ADAMTSL1: variants seen among roughly 807,000 people sequenced by gnomAD.
ADAMTSL1 encodes the protein ADAMTS-like protein 1.
Under a neutral mutation model 201.8 loss-of-function variants are expected in ADAMTSL1, and 126 were observed. That is an observed-to-expected ratio of 0.62 (90% confidence interval 0.54 to 0.72). ADAMTSL1 has a LOEUF of 0.72. ADAMTSL1 is among the 30% of genes least tolerant of loss of function. ADAMTSL1 has a pLI of 0.00. For missense variants in ADAMTSL1, 2,679 were observed against 2,277.8 expected (o/e 1.18, Z -3.59); for synonymous variants, 1,121 against 903.4 (o/e 1.24, Z -4.32).
chr9:18,362,867 A>G (rs10511652), intron 2 of ADAMTSL1, among the ~76,000 whole-genome samples: 82,904 of 152,072 alleles, frequency 0.55, 22,906 homozygotes, highest in East Asian at 0.64. Flanking sequence ...CTTAATTGAA[A>G]GCAACAAACT....
At chr9:18,187,525 A>G (rs1255135049) in intron 2 of ADAMTSL1, among the ~76,000 whole-genome samples, 1 of 152,118 alleles carries the variant, frequency 6.6e-6, no homozygotes, top group East Asian at 1.9e-4. Context: ...CTGTTTTGGA[A>G]TAAAAAGAAA....
intron 2 of ADAMTSL1, among the ~76,000 whole-genome samples, chr9:18,465,156 A>G (rs144453091): frequency 1.6e-4 from 25 of 152,288 alleles, no homozygotes; most frequent in Non-Finnish European, 3.4e-4. Flanking sequence ...AGCCAGGGGC[A>G]TAATGTTTAT....
rs58093533 is a variant in ADAMTSL1, at chr9:18,301,318, C to G, written c.207+137337C>G. On this transcript the variant is annotated intron_variant, in intron 2 of 29. Transcript: ENST00000680146. Reference sequence around the variant, plus strand: ...GTGAAAAGAGCTAAAATACTTATCTCACATAATCAGAAAACAGTAGATAAA... The same window carrying G: ...GTGAAAAGAGCTAAAATACTTATCTGACATAATCAGAAAACAGTAGATAAA... Among the ~76,000 whole-genome samples the G allele has an allele frequency of 9.7e-3, 1,478 of 152,252 alleles. 24 individuals carry two copies. The highest frequency in any genetic ancestry group is 0.034 in the African/African-American group (1,422 of 41,544).
At chr9:18,830,085 C>T in intron 23 of ADAMTSL1, 108 bp downstream of exon 23, 1 of 1,413,624 alleles carries the variant, frequency 7.1e-7, no homozygotes, top group Non-Finnish European at 9.5e-7. Context: ...GGGTGGCCAA[C>T]AGGGAATCAC....
upstream of ADAMTSL1, among the ~76,000 whole-genome samples, chr9:18,469,393 A>G (rs1821122468): frequency 6.6e-6 from 1 of 152,196 alleles, no homozygotes; most frequent in African/African-American, 2.4e-5. Flanking sequence ...ATCAGTTGGG[A>G]TTCTGTTGCA....
At position 18,414,498 on chromosome 9, in the gene ADAMTSL1, A is replaced by C. The variant is rs565199168; in HGVS notation, c.208-90331A>C. ...CATGCGTGAAACAACCAAAAAAACA[A>C]ACAAAAATGTGTGAAACAATGGTTT... On this transcript the variant is annotated intron_variant, in intron 2 of 29. Coordinates refer to the ADAMTSL1 transcript ENST00000680146. Among the ~76,000 whole-genome samples the C allele has an allele frequency of 2.0e-5, 3 of 152,334 alleles. No homozygotes were observed. The South Asian group carries it at 6.2e-4, about 32-fold the overall frequency.
intron 23 of ADAMTSL1, among the ~76,000 whole-genome samples, chr9:18,858,607 T>C (rs557070161): frequency 6.6e-6 from 1 of 152,232 alleles, no homozygotes; most frequent in East Asian, 1.9e-4. Context: ...ACAAGAGGAG[T>C]AGGTGCTGGG....
intron 3 of ADAMTSL1, among the ~76,000 whole-genome samples, chr9:18,534,808 G>T (rs1220976201): frequency 6.6e-6 from 1 of 152,206 alleles, no homozygotes; most frequent in Non-Finnish European, 1.5e-5. Flanking sequence ...TAAAGCAATG[G>T]CCTGAGCTGT....
At chr9:18,535,255 G>C (rs1484136063) in intron 3 of ADAMTSL1, among the ~76,000 whole-genome samples, 1 of 152,142 alleles carries the variant, frequency 6.6e-6, no homozygotes, top group African/African-American at 2.4e-5. Flanking sequence ...CAGCCTCTTT[G>C]CTAAAGCATA....
At chr9:18,045,106 G>C (rs150186275) in intron 1 of ADAMTSL1, among the ~76,000 whole-genome samples, 160 of 152,198 alleles carry the variant, frequency 1.1e-3, no homozygotes, top group African/African-American at 3.7e-3. Flanking sequence ...CCTCTCTGGG[G>C]CTCTAGTTCC....
chr9:18,400,340 A>G (rs967655508), intron 2 of ADAMTSL1, among the ~76,000 whole-genome samples: 1 of 152,146 alleles, frequency 6.6e-6, no homozygotes, highest in Non-Finnish European at 1.5e-5. Flanking sequence ...TTTCTCCAGT[A>G]CTGTTAATCA....
Position 18,563,450 on chromosome 9 carries a change from C to A in ADAMTSL1, c.238-10580C>A, listed in dbSNP as rs144186671. Reference sequence around the variant, plus strand: ...TCTCCTATATGAGGTGTCTGTTGACCCCTGCTGGAAGGTGTCTCTCAGTCA... The same window carrying A: ...TCTCCTATATGAGGTGTCTGTTGACACCTGCTGGAAGGTGTCTCTCAGTCA... On this transcript the variant is annotated intron_variant, in intron 3 of 28. Transcript: ENST00000380548. 1.1e-3 allele frequency among the ~76,000 whole-genome samples: 164 copies of A among 152,266 alleles called. 1 individual carries two copies. Among genetic ancestry groups the A allele is most frequent in the African/African-American group, 3.8e-3 (158 of 41,568 alleles).
At chr9:18,452,968 A>G (rs1456541390) in intron 2 of ADAMTSL1, among the ~76,000 whole-genome samples, 1 of 152,216 alleles carries the variant, frequency 6.6e-6, no homozygotes, top group Non-Finnish European at 1.5e-5. Flanking sequence ...CCAAGGTTCC[A>G]ATAGGCTTTG....
At chr9:18,511,219 T>G (rs999216313) in intron 2 of ADAMTSL1, among the ~76,000 whole-genome samples, 5 of 152,014 alleles carry the variant, frequency 3.3e-5, no homozygotes, top group Non-Finnish European at 7.4e-5. Flanking sequence ...CTTTTTTACT[T>G]TCTGAAATGC....
chr9:18,665,241 C>A (rs1829358551), intron 9 of ADAMTSL1, among the ~76,000 whole-genome samples: 1 of 152,084 alleles, frequency 6.6e-6, no homozygotes, highest in African/African-American at 2.4e-5. Flanking sequence ...TAGCCATAAT[C>A]CCTGATATCC....
chr9:18,759,892 A>G (rs1016440440), intron 16 of ADAMTSL1, among the ~76,000 whole-genome samples: 7 of 152,152 alleles, frequency 4.6e-5, no homozygotes, highest in African/African-American at 1.7e-4. Flanking sequence ...TCATTTTAAT[A>G]ATTATGTTTA....
At chr9:18,501,049 G>C (rs1822806598) in intron 1 of ADAMTSL1, among the ~76,000 whole-genome samples, 1 of 152,162 alleles carries the variant, frequency 6.6e-6, no homozygotes, top group Admixed American at 6.5e-5. Context: ...GGCCTGTATA[G>C]AAGAGCTTAG....
At chr9:18,897,713 C>A (rs919944602) in intron 26 of ADAMTSL1, among the ~76,000 whole-genome samples, 3 of 152,168 alleles carry the variant, frequency 2.0e-5, no homozygotes, top group African/African-American at 7.2e-5. Flanking sequence ...AGGTCAGCAA[C>A]CTCAACAAAG....
intron 2 of ADAMTSL1, among the ~76,000 whole-genome samples, chr9:18,464,968 C>CA (rs1369360321): frequency 2.0e-5 from 3 of 151,974 alleles, no homozygotes; most frequent in East Asian, 1.9e-4. Flanking sequence ...CTCTCATTAT[C>CA]AAAAAAATAA....
Sources: allele counts gnomAD v4.1 joint callset (sites outside exome capture counted in the v4.1 genomes callset), GRCh38; gene constraint gnomAD v4.1.1; transcripts MANE v1.5; gene names NCBI Gene and HGNC (gene_info 2026-07-23, HGNC 2026-07-21).